The following BCO1 variants were observed in gnomAD, a reference collection of about 807,000 sequenced individuals.
BCO1 encodes beta,beta-carotene 15,15'-dioxygenase.
Under a neutral mutation model 56.3 loss-of-function variants are expected in BCO1, and 54 were observed. That is an observed-to-expected ratio of 0.96 (90% CI 0.77 to 1.20). The LOEUF (loss-of-function observed/expected upper bound fraction) is 1.20, where lower values mean the gene tolerates loss of function less well. BCO1 is among the 50% of genes most tolerant of loss of function. The pLI is 0.00. For synonymous variants in BCO1, 318 were observed against 266.1 expected, an observed-to-expected ratio of 1.20 and a Z score of -1.90; for missense variants, 801 against 690.9, an observed-to-expected ratio of 1.16 and a Z score of -1.79.
chr16:81,240,978 G>T (rs146449989), intron 1 of BCO1, among the ~76,000 whole-genome samples: 16 of 151,446 alleles, frequency 1.1e-4, no homozygotes, highest in Non-Finnish European at 1.9e-4. Context: ...GGAATGACAG[G>T]CATGCACCAC....
intron 7 of BCO1, among the ~76,000 whole-genome samples, chr16:81,270,749 AT>A (rs79990424): frequency 0.12 from 15,739 of 126,404 alleles, 1,532 homozygotes; most frequent in African/African-American, 0.27. Flanking sequence ...ATTGTACATA[AT>A]TTTTTTTTTT....
intron 5 of BCO1, among the ~76,000 whole-genome samples, chr16:81,266,967 T>A (rs140499215): frequency 2.4e-4 from 36 of 152,276 alleles, no homozygotes; most frequent in African/African-American, 8.2e-4. Flanking sequence ...GGTGGGGAAG[T>A]TTGCAGATAA....
chr16:81,252,886 A>C (rs1486039622), intron 2 of BCO1, among the ~76,000 whole-genome samples: 1 of 151,974 alleles, frequency 6.6e-6, no homozygotes. Flanking sequence ...TGCCCACCTC[A>C]CCACTTGAGG....
chr16:81,282,165 G>C (rs1462116749), intron 8 of BCO1, among the ~76,000 whole-genome samples: 1 of 152,188 alleles, frequency 6.6e-6, no homozygotes, highest in East Asian at 1.9e-4. Flanking sequence ...GATCACTTGA[G>C]GCCAGGAGTT....
chr16:81,269,360 C>T lies in BCO1; in HGVS notation c.844-799C>T, dbSNP rs754480183. 1.2e-3 allele frequency among the ~76,000 whole-genome samples: 188 copies of T among 150,996 alleles called. 1 individual carries two copies. The highest frequency in any genetic ancestry group is 2.7e-4 in the Non-Finnish European group (18 of 67,842). Reference sequence around the variant, plus strand: ...TCACCCAGGCTGGAGCGCAGTGGTGCGATATCAGTTCACTGTAACCTCCGC... The same window carrying T: ...TCACCCAGGCTGGAGCGCAGTGGTGTGATATCAGTTCACTGTAACCTCCGC... On this transcript the variant is annotated intron_variant, in intron 6 of 10. Coordinates refer to ENST00000258168, the MANE Select transcript of BCO1 (RefSeq NM_017429.3).
At chr16:81,273,096 A>G (rs1381929559) in intron 7 of BCO1, among the ~76,000 whole-genome samples, 1 of 152,144 alleles carries the variant, frequency 6.6e-6, no homozygotes, top group Non-Finnish European at 1.5e-5. Flanking sequence ...CAGTTTCCCA[A>G]GAAGCTGGGA....
chr16:81,270,552 T>A, intron 7 of BCO1, 136 bp downstream of exon 7: 1 of 1,215,834 alleles, frequency 8.2e-7, no homozygotes, highest in Non-Finnish European at 1.1e-6. Context: ...TTCATTGTTT[T>A]TCCCAAAGTA....
intron 2 of BCO1, among the ~76,000 whole-genome samples, chr16:81,252,653 G>A (rs1475772322): frequency 6.6e-6 from 1 of 152,204 alleles, no homozygotes; most frequent in Non-Finnish European, 1.5e-5. Flanking sequence ...GTGAAAGACA[G>A]GCTGGCTCAA....
intron 2 of BCO1, among the ~76,000 whole-genome samples, chr16:81,257,443 T>G (rs1906211243): frequency 6.6e-6 from 1 of 151,838 alleles, no homozygotes; most frequent in African/African-American, 2.4e-5. Context: ...TTTTGCATTT[T>G]TAGTAGAGAT....
At chr16:81,270,106 A>AG in intron 6 of BCO1, 53 bp from the exon 7 acceptor site, 1 of 1,611,334 alleles carries the variant, frequency 6.2e-7, no homozygotes, top group Admixed American at 1.7e-5. Context: ...CAGATGCCAC[A>AG]GTGCCAGGCT....
intron 7 of BCO1, among the ~76,000 whole-genome samples, chr16:81,271,094 C>A (rs1907184204): frequency 6.8e-6 from 1 of 147,836 alleles, no homozygotes; most frequent in African/African-American, 2.5e-5. Flanking sequence ...ACACAGCATA[C>A]AATTTGCCCT....
intron 7 of BCO1, among the ~76,000 whole-genome samples, chr16:81,271,443 C>G (rs928076464): frequency 2.0e-5 from 3 of 152,128 alleles, no homozygotes; most frequent in African/African-American, 7.2e-5. Context: ...TGTTTGACAG[C>G]CTTTGGTATG....
intron 2 of BCO1, among the ~76,000 whole-genome samples, chr16:81,258,018 G>A (rs550965969): frequency 6.6e-6 from 1 of 152,252 alleles, no homozygotes; most frequent in Non-Finnish European, 1.5e-5. Flanking sequence ...CAGAGGAGAT[G>A]TGATACCGGG....
intron 7 of BCO1, among the ~76,000 whole-genome samples, chr16:81,279,678 A>G (rs1040656884): frequency 2.6e-5 from 4 of 152,224 alleles, no homozygotes; most frequent in Non-Finnish European, 1.5e-5. Flanking sequence ...CGGTTAGTAC[A>G]TGAGGGAAAC....
At chr16:81,253,469 A>G (rs1454135978) in intron 2 of BCO1, among the ~76,000 whole-genome samples, 1 of 152,184 alleles carries the variant, frequency 6.6e-6, no homozygotes, top group Non-Finnish European at 1.5e-5. Flanking sequence ...ATTCATATCC[A>G]TGTGGAGATT....
At chr16:81,270,541 T>C in intron 7 of BCO1, 125 bp downstream of exon 7, 1 of 1,272,506 alleles carries the variant, frequency 7.9e-7, no homozygotes, top group Non-Finnish European at 1.1e-6. Flanking sequence ...AAAAAAAAGT[T>C]TTCATTGTTT....
rs960944672 is a variant in BCO1, at chr16:81,277,436, C to T, written c.1102-3421C>T. 3.3e-5 allele frequency among the ~76,000 whole-genome samples: 5 copies of T among 152,184 alleles called. No individual in the cohort carries two copies. In the East Asian group the frequency reaches 5.8e-4, roughly 18 times the overall value. On this transcript the variant is annotated intron_variant, in intron 7 of 10. Coordinates refer to ENST00000258168, the MANE Select transcript of BCO1 (RefSeq NM_017429.3). ...TGGAATGTACGCCTGTCTGCCTGCA[C>T]GATGTGTGTGGCCCTGGACCAGCCT...
chr16:81,245,672 C>G, intron 2 of BCO1, 69 bp downstream of exon 2: 1 of 1,595,978 alleles, frequency 6.3e-7, no homozygotes. Context: ...CTTAAAACAG[C>G]ACAAATTTAT....
intron 10 of BCO1, 120 bp from the exon 11 acceptor site, chr16:81,290,228 C>T: frequency 1.2e-6 from 1 of 852,226 alleles, no homozygotes; most frequent in Middle Eastern, 2.3e-4. Context: ...CTCAAATTCA[C>T]TCCCTCCTGT....
Sources: gnomAD v4.1 joint callset for allele counts (sites outside exome capture counted in the v4.1 genomes callset) on GRCh38, gnomAD v4.1.1 for gene constraint, MANE v1.5 for transcripts, NCBI Gene and HGNC (gene_info 2026-07-23, HGNC 2026-07-21) for gene names.